EVC: variants seen among roughly 807,000 people sequenced by gnomAD.
EVC encodes the protein EvC ciliary complex subunit 1.
A neutral mutation model predicts 118.9 loss-of-function variants in EVC; 116 were observed. The observed-to-expected ratio is 0.98, with a 90% CI of 0.84 to 1.14. The LOEUF is 1.14. Among genes scored for constraint, EVC ranks in the 50% most tolerant of loss-of-function variants. The pLI is 0.00. For missense variants in EVC, 1,401 were observed against 1,246.4 expected, an observed-to-expected ratio of 1.12 and a Z score of -1.87; for synonymous variants, 619 against 534.7, an observed-to-expected ratio of 1.16 and a Z score of -2.18.
chr4:5,753,121 GA>G, intron 9 of EVC, 69 bp downstream of exon 9: 1 of 1,419,594 alleles, frequency 7.0e-7, no homozygotes, highest in Non-Finnish European at 9.7e-7. Context: ...TGTGCAGTGA[GA>G]GGGCTGGCAG....
the EVC span, among the ~76,000 whole-genome samples, chr4:5,829,014 G>A: frequency 4.0e-5 from 6 of 151,282 alleles, no homozygotes; most frequent in Admixed American, 3.9e-4. Flanking sequence ...TACTTAAAAT[G>A]TGTCTTTAAA....
At chr4:5,776,935 A>C (rs1263377350) in intron 11 of EVC, among the ~76,000 whole-genome samples, 7 of 152,118 alleles carry the variant, frequency 4.6e-5, no homozygotes, top group African/African-American at 7.2e-5. Context: ...TAGCTTCATG[A>C]GCATAGTAAG....
chr4:5,733,900 CTG>C (rs959861319), intron 5 of EVC, among the ~76,000 whole-genome samples: 2 of 152,146 alleles, frequency 1.3e-5, no homozygotes, highest in African/African-American at 4.8e-5. Flanking sequence ...GGTGAGAAAA[CTG>C]AGGCACAGGG....
intron 11 of EVC, among the ~76,000 whole-genome samples, chr4:5,782,235 G>A (rs983830059): frequency 1.3e-5 from 2 of 151,076 alleles, no homozygotes; most frequent in Admixed American, 6.6e-5. Flanking sequence ...CACCACGCCC[G>A]GCTAATTTTT....
chr4:5,790,846 C>T (rs1463853445), intron 12 of EVC, among the ~76,000 whole-genome samples: 1 of 152,130 alleles, frequency 6.6e-6, no homozygotes, highest in Non-Finnish European at 1.5e-5. Flanking sequence ...GTAATCTCAG[C>T]ACTTTGGGAG....
Position 5,768,632 on chromosome 4 carries a change from G to A in EVC, c.1563+12270G>A, listed in dbSNP as rs189662317. The stretch of plus-strand genomic sequence containing the variant: ...AGCACTTTGGGAGGCTGAGGCAAGC[G>A]GATCACTTGAGGTCAAGAGTTCAAG... On this transcript the variant is annotated intron_variant, in intron 11 of 20. Transcript: ENST00000264956. 2.0e-4 allele frequency among the ~76,000 whole-genome samples: 31 copies of A among 152,110 alleles called. 1 individual carries two copies. The East Asian group carries it at 4.8e-3, about 24-fold the overall frequency.
chr4:5,745,845 AT>A (rs1171240003), intron 7 of EVC, among the ~76,000 whole-genome samples: 1 of 152,168 alleles, frequency 6.6e-6, no homozygotes, highest in Non-Finnish European at 1.5e-5. Context: ...CTCAAAAATC[AT>A]TTAGACATGG....
chr4:5,723,075 A>G (rs1725227311), intron 2 of EVC, among the ~76,000 whole-genome samples: 1 of 152,174 alleles, frequency 6.6e-6, no homozygotes, highest in Non-Finnish European at 1.5e-5. Flanking sequence ...TAGACAGATC[A>G]GGTGGAGCCT....
the EVC span, among the ~76,000 whole-genome samples, chr4:5,827,850 C>T: frequency 6.6e-6 from 1 of 152,236 alleles, no homozygotes; most frequent in African/African-American, 2.4e-5. Flanking sequence ...TGGCCACGGG[C>T]GGGAGTCTCT....
chr4:5,723,440 T>A (rs1333569923), intron 2 of EVC, among the ~76,000 whole-genome samples: 1 of 152,060 alleles, frequency 6.6e-6, no homozygotes, highest in Non-Finnish European at 1.5e-5. Context: ...CTGCCCGCCT[T>A]GGCCTCCCAA....
intron 12 of EVC, among the ~76,000 whole-genome samples, chr4:5,786,893 AAC>A (rs1711753597): frequency 6.8e-6 from 1 of 146,366 alleles, no homozygotes. Context: ...AAAAAAAATT[AAC>A]ACACGATAGT....
At position 5,774,480 on chromosome 4, in the gene EVC, C is replaced by T. The variant is rs563729938; in HGVS notation, c.1564-9072C>T. ...TAATCCTCATAATCAGCCCTCAAAG[C>T]AGGTATTATCAGCCCCCTTTGACAG... On this transcript the variant is annotated intron_variant, in intron 11 of 20. Coordinates refer to ENST00000264956, the MANE Select transcript of EVC (RefSeq NM_153717.3). Among the ~76,000 whole-genome samples the T allele has an allele frequency of 5.3e-5, 8 of 152,086 alleles. No individual in the cohort carries two copies. In the East Asian group the frequency reaches 1.6e-3, roughly 30 times the overall value.
chr4:5,758,348 A>C (rs948510337), intron 11 of EVC: 1 of 533,306 alleles, frequency 1.9e-6, no homozygotes, highest in Non-Finnish European at 3.3e-6. Flanking sequence ...AGCCACAGGA[A>C]ACTAAACGGA....
intron 16 of EVC, among the ~76,000 whole-genome samples, 187 bp downstream of exon 16, chr4:5,802,281 T>C (rs1715154489): frequency 6.6e-6 from 1 of 152,240 alleles, no homozygotes; most frequent in African/African-American, 2.4e-5. Flanking sequence ...AAGAAACATA[T>C]GCATAAGCAC....
intron 17 of EVC, among the ~76,000 whole-genome samples, chr4:5,807,803 C>G (rs1716169593): frequency 6.6e-6 from 1 of 152,208 alleles, no homozygotes; most frequent in African/African-American, 2.4e-5. Flanking sequence ...ATGCTCCTCC[C>G]TGGGGAAAAG....
intron 11 of EVC, among the ~76,000 whole-genome samples, chr4:5,774,758 G>T (rs556615168): frequency 6.6e-6 from 1 of 152,250 alleles, no homozygotes; most frequent in South Asian, 2.1e-4. Context: ...CTCAGGGCCA[G>T]CTTCTATTCC....
At chr4:5,820,288 C>A in the EVC span, among the ~76,000 whole-genome samples, 1 of 151,856 alleles carries the variant, frequency 6.6e-6, no homozygotes, top group Admixed American at 6.5e-5. Flanking sequence ...ACTATCGTCA[C>A]CATCATCACC....
chr4:5,767,223 T>G (rs570945665), intron 11 of EVC, among the ~76,000 whole-genome samples: 8 of 152,134 alleles, frequency 5.3e-5, no homozygotes, highest in African/African-American at 1.7e-4. Context: ...GGGGCCAGGG[T>G]TCAGGGACCC....
At chr4:5,767,654 C>T (rs994936649) in intron 11 of EVC, among the ~76,000 whole-genome samples, 3 of 151,984 alleles carry the variant, frequency 2.0e-5, no homozygotes, top group Admixed American at 6.5e-5. Context: ...GTGGGAGTGA[C>T]CCGATTTTCC....
Sources: allele counts gnomAD v4.1 joint callset (sites outside exome capture counted in the v4.1 genomes callset), GRCh38; gene constraint gnomAD v4.1.1; transcripts MANE v1.5; gene names NCBI Gene and HGNC (gene_info 2026-07-23, HGNC 2026-07-21).